POLR3GL: variants seen among roughly 807,000 people sequenced by gnomAD.
The protein encoded by POLR3GL is RNA polymerase III subunit GL, also known as DNA-directed RNA polymerase III subunit RPC7-like.
Under a neutral mutation model 32.4 loss-of-function variants are expected in POLR3GL, and 26 were observed. That is an observed-to-expected ratio of 0.80 (90% confidence interval 0.59 to 1.11). The LOEUF (loss-of-function observed/expected upper bound fraction) is 1.11. Ranked by LOEUF, POLR3GL falls within the 50% of genes most tolerant of loss-of-function variation. POLR3GL has a pLI of 0.00. For missense variants in POLR3GL, 229 were observed against 280.1 expected (o/e 0.82, Z 1.30); for synonymous variants, 95 against 98.7 (o/e 0.96, Z 0.22).
At position 145,978,078 on chromosome 1, in the gene POLR3GL, TGAA is replaced by T. The variant is rs781986338; in HGVS notation, c.559_561del (p.Glu187del). The T allele has an allele frequency of 8.1e-6, 13 of 1,601,906 alleles. No homozygotes were observed. Among genetic ancestry groups the T allele is most frequent in the East Asian group, 6.7e-5 (3 of 44,720 alleles). ...AAGAGGAGGAAGAAGAAGAGTATGATGAAGAAGAACATGAAGAGGTGAAGGGGA... is the reference window on the plus strand; with the variant it reads ...AAGAGGAGGAAGAAGAAGAGTATGATGAAGAACATGAAGAGGTGAAGGGGA... On this transcript the variant is annotated inframe_deletion, in exon 7 of 8. Transcript: ENST00000369314.
At chr1:145,977,705 C>G in intron 5 of POLR3GL, 73 bp from the exon 6 acceptor site, 1 of 1,438,444 alleles carries the variant, frequency 7.0e-7, no homozygotes, top group Non-Finnish European at 9.8e-7. Context: ...GTGACATGTT[C>G]TTTGCATGAG....
chr1:145,972,227 A>G (rs2101936142), intron 1 of POLR3GL, among the ~76,000 whole-genome samples: 1 of 149,192 alleles, frequency 6.7e-6, no homozygotes, highest in East Asian at 2.0e-4. Context: ...CTAAAAATAC[A>G]AAATTAGCCG....
chr1:145,975,333 G>A lies in POLR3GL; in HGVS notation c.153G>A (p.Leu51=), dbSNP rs377131555. ...CCTTGGAGTTCCGCCCAGTACCTTT[G>A]CCCTCAGGCGAGGAAGGGGAATATG... ...FPPLEFRPVP[L]PSGEEGEYVL... is the part of the protein sequence containing the mutation. The change falls in exon 3 of 8, where the codon TTG becomes TTA. Residue 51 remains leucine, a synonymous_variant. Transcript: ENST00000369314. 36 of 1,613,998 alleles carry A rather than the reference G, an allele frequency of 2.2e-5. No homozygotes were observed. Among genetic ancestry groups the A allele is most frequent in the Non-Finnish European group, 6.8e-6 (8 of 1,179,984 alleles).
In POLR3GL at chr1:145,977,899, C is replaced by CGAA. The variant is rs1650637016; in HGVS notation, c.456+48_456+49insGAA. On this transcript the variant is annotated intron_variant, in intron 6 of 7. Coordinates refer to ENST00000369314, the MANE Select transcript of POLR3GL (RefSeq NM_032305.3). ...GACCTCCTGAGCCCTGGATCCATTC[C>CGAA]CTCTCTCTTGGCCCATGTGTGCCTC... is the stretch of plus-strand genomic sequence containing the variant. 7 of 1,613,704 alleles carry CGAA rather than the reference C, an allele frequency of 4.3e-6. No homozygotes were observed. The Admixed American group carries it at 8.3e-5, about 19-fold the overall frequency.
At chr1:145,966,821 T>A (rs1650060973) in intron 1 of POLR3GL, among the ~76,000 whole-genome samples, 1 of 152,062 alleles carries the variant, frequency 6.6e-6, no homozygotes, top group African/African-American at 2.4e-5. Flanking sequence ...AGAACATAAA[T>A]AAATAAAATG....
At chr1:145,975,117 C>T in intron 2 of POLR3GL, 126 bp downstream of exon 2, 2 of 1,330,398 alleles carry the variant, frequency 1.5e-6, no homozygotes, top group Admixed American at 2.7e-5. Context: ...TCCCAATGCA[C>T]AGGGATGTTT....
chr1:145,973,961 TAAAA>T (rs35199064), intron 1 of POLR3GL, among the ~76,000 whole-genome samples: 1 of 104,928 alleles, frequency 9.5e-6, no homozygotes, highest in Admixed American at 1.0e-4. Context: ...TCCAGTCTCT[TAAAA>T]AAAAAAAAAA....
At chr1:145,971,964 C>CAAAAAAA (rs1187495263) in intron 1 of POLR3GL, among the ~76,000 whole-genome samples, 2 of 45,584 alleles carry the variant, frequency 4.4e-5, no homozygotes, top group African/African-American at 1.2e-4. Context: ...GACTCTGTCT[C>CAAAAAAA]AAAAAAAAAA....
intron 1 of POLR3GL, among the ~76,000 whole-genome samples, chr1:145,965,784 A>G (rs142426143): frequency 2.6e-5 from 4 of 152,358 alleles, no homozygotes; most frequent in Non-Finnish European, 4.4e-5. Flanking sequence ...TAAGAAATAT[A>G]TAGCTAAAGG....
intron 1 of POLR3GL, among the ~76,000 whole-genome samples, chr1:145,970,355 C>T (rs190121656): frequency 1.3e-5 from 2 of 151,984 alleles, no homozygotes; most frequent in African/African-American, 2.4e-5. Context: ...TATGTTGCCC[C>T]GGCTGGTCTC....
At chr1:145,971,307 C>T (rs1353219349) in intron 1 of POLR3GL, among the ~76,000 whole-genome samples, 1 of 151,464 alleles carries the variant, frequency 6.6e-6, no homozygotes, top group Non-Finnish European at 1.5e-5. Flanking sequence ...TTACCTATTG[C>T]TCTTTTTCTG....
At chr1:145,977,657 G>T in intron 5 of POLR3GL, 118 bp downstream of exon 5, 1 of 1,286,614 alleles carries the variant, frequency 7.8e-7, no homozygotes. Context: ...ACCAAGTGTT[G>T]TTGCTAGATG....
At position 145,966,483 on chromosome 1, in the gene POLR3GL, CAAA is replaced by C. The variant is rs781955120; in HGVS notation, c.-42+1733_-42+1735del. ...TAAGCGACAGAGCAAGAACCTGTCT[CAAA>C]AAAAAAAAAAAAAAAAAGAGGCCGG... is the stretch of plus-strand genomic sequence containing the variant. On this transcript the variant is annotated intron_variant, in intron 1 of 7. Transcript: ENST00000369314. Among the ~76,000 whole-genome samples, 459 of 57,730 alleles carry C rather than the reference CAAA, an allele frequency of 8.0e-3. 5 individuals are homozygous for C. Among genetic ancestry groups the C allele is most frequent in the South Asian group, 0.063 (110 of 1,752 alleles). The allele number at this position is 57,730 out of a possible 152,430, so 37.9% of individuals were successfully genotyped here.
chr1:145,978,541 A>C lies in POLR3GL; in HGVS notation c.*94A>C. 1 of 840,894 alleles carries C rather than the reference A, an allele frequency of 1.2e-6. No homozygotes were observed. Among genetic ancestry groups the C allele is most frequent in the African/African-American group, 1.7e-5 (1 of 59,022 alleles). The allele number at this position is 840,894 out of a possible 1,614,324, so 52.1% of individuals were successfully genotyped here. The stretch of plus-strand genomic sequence containing the variant: ...TCAGACAAGCAAATCATTTGGTCAG[A>C]GTTCATATAATCTGTCTGTTCCCTG... On this transcript the variant is annotated 3_prime_UTR_variant, in exon 8 of 8. Coordinates refer to ENST00000369314, the MANE Select transcript of POLR3GL (RefSeq NM_032305.3).
At chr1:145,973,447 C>A (rs1215679794) in intron 1 of POLR3GL, among the ~76,000 whole-genome samples, 1 of 152,098 alleles carries the variant, frequency 6.6e-6, no homozygotes, top group Non-Finnish European at 1.5e-5. Context: ...GGTGGTGACT[C>A]ACACCTGTAA....
chr1:145,975,972 G>A (rs1455670374), intron 3 of POLR3GL, among the ~76,000 whole-genome samples: 5 of 147,624 alleles, frequency 3.4e-5, no homozygotes, highest in Non-Finnish European at 3.0e-5. Flanking sequence ...CTAAGGGACA[G>A]AAAAAAAAAA....
Position 145,974,962 on chromosome 1 carries a change from C to G in POLR3GL, c.97C>G (p.Pro33Ala), listed in dbSNP as rs1304209397. The change falls in exon 2 of 8, where the codon CCC becomes GCC. Residue 33 changes from proline (P) to alanine (A), a missense_variant. Transcript: ENST00000369314. ...GIGKGDALPP[P>A]TLQPSPLFPP... The stretch of plus-strand genomic sequence containing the variant: ...TGGGAAAGGGGATGCTTTGCCCCCA[C>G]CCACCCTGCAGCCTTCTCCACTCTT... 6.6e-7 allele frequency: 1 copy of G among 1,519,962 alleles called. No homozygotes were observed. Among genetic ancestry groups the G allele is most frequent in the African/African-American group, 1.4e-5 (1 of 70,150 alleles). 94.2% of individuals were successfully genotyped at this position (1,519,962 alleles called of 1,614,324 possible).
intron 1 of POLR3GL, among the ~76,000 whole-genome samples, chr1:145,972,380 CAAA>C (rs782476722): frequency 7.3e-5 from 6 of 82,500 alleles, no homozygotes; most frequent in Admixed American, 1.3e-4. Context: ...AACTCCATCT[CAAA>C]AAAAAAAAAA....
At chr1:145,972,790 C>A (rs910432803) in intron 1 of POLR3GL, among the ~76,000 whole-genome samples, 8 of 152,024 alleles carry the variant, frequency 5.3e-5, no homozygotes, top group Admixed American at 2.0e-4. Context: ...CATCAACCTC[C>A]CCGGCTCAAG....
Sources: allele counts gnomAD v4.1 joint callset (sites outside exome capture counted in the v4.1 genomes callset), GRCh38; gene constraint gnomAD v4.1.1; transcripts MANE v1.5; gene names NCBI Gene and HGNC (gene_info 2026-07-23, HGNC 2026-07-21).